Variants in MVB12B observed in about 807,000 individuals in gnomAD.
MVB12B encodes ESCRT-I complex subunit MVB12B.
A neutral mutation model predicts 41.6 loss-of-function variants in MVB12B; 16 were observed. The observed-to-expected ratio is 0.38, with a 90% confidence interval of 0.26 to 0.58. The LOEUF (loss-of-function observed/expected upper bound fraction) is 0.58, where lower values mean the gene tolerates loss of function less well. Among genes scored for constraint, MVB12B ranks in the 20% least tolerant of loss-of-function variants. MVB12B has a pLI of 0.62. For missense variants in MVB12B, 274 were observed against 380.2 expected (o/e 0.72, Z 2.32); for synonymous variants, 133 against 139.7 (o/e 0.95, Z 0.34).
chr9:126,393,429 G>A (rs59396688), intron 5 of MVB12B, among the ~76,000 whole-genome samples: 4,399 of 152,318 alleles, frequency 0.029, 187 homozygotes, highest in African/African-American at 0.09. Context: ...GAGCAAGTTT[G>A]TGTTCCTGAC....
intron 7 of MVB12B, among the ~76,000 whole-genome samples, chr9:126,422,788 ACT>A (rs950521539): frequency 6.6e-6 from 1 of 152,242 alleles, no homozygotes; most frequent in Non-Finnish European, 1.5e-5. Flanking sequence ...ACTACAGGTT[ACT>A]AAATAGATGA....
intron 7 of MVB12B, among the ~76,000 whole-genome samples, chr9:126,422,640 G>A (rs904603379): frequency 8.5e-5 from 13 of 152,116 alleles, no homozygotes; most frequent in African/African-American, 3.1e-4. Flanking sequence ...GTGTATAAGG[G>A]GAAAGTGGCA....
At chr9:126,502,384 C>A (rs1297894587) in intron 9 of MVB12B, among the ~76,000 whole-genome samples, 1 of 152,114 alleles carries the variant, frequency 6.6e-6, no homozygotes, top group African/African-American at 2.4e-5. Flanking sequence ...CTCCTAGCCC[C>A]CTCAGAGGTA....
intron 6 of MVB12B, chr9:126,396,171 G>T: frequency 1.0e-6 from 1 of 987,210 alleles, no homozygotes; most frequent in Non-Finnish European, 1.2e-6. Context: ...GGGTATGAGA[G>T]AATAGTGAGG....
chr9:126,385,555 A>G (rs1830760013), intron 3 of MVB12B, among the ~76,000 whole-genome samples: 1 of 152,198 alleles, frequency 6.6e-6, no homozygotes, highest in Admixed American at 6.5e-5. Flanking sequence ...TGGCTGACCA[A>G]CTAGATGCTT....
At chr9:126,445,525 A>G (rs1832745610) in intron 7 of MVB12B, among the ~76,000 whole-genome samples, 1 of 152,052 alleles carries the variant, frequency 6.6e-6, no homozygotes, top group Non-Finnish European at 1.5e-5. Context: ...GCTGGTCTTG[A>G]ACTCCTAGCC....
At chr9:126,472,245 G>A (rs11788202) in intron 7 of MVB12B, among the ~76,000 whole-genome samples, 35,016 of 151,772 alleles carry the variant, frequency 0.23, 4,491 homozygotes, top group Middle Eastern at 0.28. Context: ...AGAATCAAGG[G>A]ATGGCTCTGG....
At chr9:126,494,913 C>T (rs1833799968) in intron 9 of MVB12B, among the ~76,000 whole-genome samples, 1 of 151,596 alleles carries the variant, frequency 6.6e-6, no homozygotes, top group Non-Finnish European at 1.5e-5. Context: ...GCATTTAGGC[C>T]AGGCCCGGTG....
chr9:126,341,880 T>A lies in MVB12B; in HGVS notation c.204+1250T>A, dbSNP rs574197052. On this transcript the variant is annotated intron_variant, in intron 2 of 9. Coordinates refer to ENST00000361171, the MANE Select transcript of MVB12B (RefSeq NM_033446.3). ...ATGGTCAAGGCAGATCTGTACTGAG[T>A]CAGCCAGTGCTGGGTCCTGGGTAAG... Among the ~76,000 whole-genome samples, 29 of 152,268 alleles carry A rather than the reference T, an allele frequency of 1.9e-4. No homozygotes were observed. The South Asian group carries it at 5.8e-3, about 31-fold the overall frequency.
chr9:126,445,141 AG>A (rs1371001184), intron 7 of MVB12B, among the ~76,000 whole-genome samples: 9 of 152,090 alleles, frequency 5.9e-5, no homozygotes, highest in African/African-American at 2.2e-4. Context: ...ATTTGGGGAG[AG>A]TGGTCATTTA....
rs148693777 is a variant in MVB12B, at chr9:126,416,436, C to T, written c.663-5418C>T. ...CAACTGGTTTGCCTCCCTGGGTGTG[C>T]GATCGGGCCATTGGTCATCCAGCTC... On this transcript the variant is annotated intron_variant, in intron 6 of 9. Coordinates refer to ENST00000361171, the MANE Select transcript of MVB12B (RefSeq NM_033446.3). Among the ~76,000 whole-genome samples, 642 of 152,248 alleles carry T rather than the reference C, an allele frequency of 4.2e-3. 5 individuals carry two copies. Among genetic ancestry groups the T allele is most frequent in the Middle Eastern group, 0.017 (5 of 294 alleles).
chr9:126,448,624 C>T (rs140116313), intron 7 of MVB12B, among the ~76,000 whole-genome samples: 21 of 152,176 alleles, frequency 1.4e-4, no homozygotes, highest in African/African-American at 4.6e-4. Context: ...AGGAAGCTTC[C>T]AATCATGGTG....
intron 6 of MVB12B, among the ~76,000 whole-genome samples, chr9:126,414,893 T>C (rs1040865645): frequency 2.0e-5 from 3 of 152,060 alleles, no homozygotes; most frequent in African/African-American, 7.2e-5. Context: ...TTTTGTTTGT[T>C]TGTTTGTTTG....
Position 126,506,978 on chromosome 9 carries a change from C to T in MVB12B, c.*3715C>T, listed in dbSNP as rs1043514284. 6.5e-6 allele frequency: 1 copy of T among 152,672 alleles called. No individual in the cohort carries two copies. Among genetic ancestry groups the T allele is most frequent in the African/African-American group, 2.4e-5 (1 of 41,452 alleles). The allele number at this position is 152,672 out of a possible 1,614,324, so 9.5% of individuals were successfully genotyped here. ...ACTCTTGTACTTGGCAAGGGAAGTC[C>T]ACTGTGTGATTGTCTGTATTCTTAA... On this transcript the variant is annotated 3_prime_UTR_variant, in exon 10 of 10. Coordinates refer to ENST00000361171, the MANE Select transcript of MVB12B (RefSeq NM_033446.3).
intron 6 of MVB12B, among the ~76,000 whole-genome samples, chr9:126,420,621 T>C (rs1473144605): frequency 7.3e-6 from 1 of 136,336 alleles, no homozygotes; most frequent in African/African-American, 2.8e-5. Flanking sequence ...CTGTTGCCCA[T>C]GCTAGAGTGC....
intron 7 of MVB12B, among the ~76,000 whole-genome samples, chr9:126,471,906 C>T (rs1833321929): frequency 6.6e-6 from 1 of 152,120 alleles, no homozygotes; most frequent in Non-Finnish European, 1.5e-5. Context: ...GTACTATTAC[C>T]CGAGTTCACT....
At chr9:126,424,389 C>G (rs1484607117) in intron 7 of MVB12B, among the ~76,000 whole-genome samples, 1 of 152,106 alleles carries the variant, frequency 6.6e-6, no homozygotes, top group African/African-American at 2.4e-5. Context: ...TGGCACAAAG[C>G]AGTGCTCATG....
intron 1 of MVB12B, among the ~76,000 whole-genome samples, chr9:126,336,130 C>A (rs369409939): frequency 1.3e-5 from 2 of 152,260 alleles, no homozygotes; most frequent in East Asian, 3.9e-4. Flanking sequence ...ACTTTAAACT[C>A]CTCGGCCCAC....
intron 9 of MVB12B, among the ~76,000 whole-genome samples, chr9:126,491,966 A>G (rs974923711): frequency 2.0e-5 from 3 of 152,128 alleles, no homozygotes; most frequent in Non-Finnish European, 4.4e-5. Flanking sequence ...TGGGCAGTTT[A>G]TCATTCTAAG....
Sources: gnomAD v4.1 joint callset for allele counts (sites outside exome capture counted in the v4.1 genomes callset) on GRCh38, gnomAD v4.1.1 for gene constraint, MANE v1.5 for transcripts, NCBI Gene and HGNC (gene_info 2026-07-23, HGNC 2026-07-21) for gene names.